Variants in EXOC4 observed in about 807,000 individuals in gnomAD.
EXOC4 encodes exocyst complex component 4.
A neutral mutation model predicts 107.2 loss-of-function variants in EXOC4; 71 were observed. The ratio of observed to expected loss-of-function variants is 0.66; its 90% confidence interval spans 0.55 to 0.81. The LOEUF is 0.81. Ranked by LOEUF, EXOC4 falls within the 30% of genes least tolerant of loss-of-function variation. The pLI, the probability that EXOC4 is intolerant of heterozygous loss-of-function variation, is 0.00. For missense variants in EXOC4, 1,108 were observed against 1,189.6 expected (o/e 0.93, Z 1.01); for synonymous variants, 456 against 441.2 (o/e 1.03, Z -0.42).
intron 4 of EXOC4, 38 bp from the exon 5 acceptor site, chr7:133,317,246 T>C (rs1190859971): frequency 1.3e-6 from 2 of 1,484,650 alleles, no homozygotes; most frequent in Non-Finnish European, 1.9e-6. Flanking sequence ...TAGTTGGTTT[T>C]GAAGAAAGTG....
At chr7:133,258,756 T>C (rs1795074490) in intron 1 of EXOC4, among the ~76,000 whole-genome samples, 1 of 152,200 alleles carries the variant, frequency 6.6e-6, no homozygotes, top group Non-Finnish European at 1.5e-5. Flanking sequence ...CAGGATGTTG[T>C]CTTTGTAACC....
At chr7:133,738,036 C>T (rs919661528) in intron 10 of EXOC4, among the ~76,000 whole-genome samples, 16 of 150,874 alleles carry the variant, frequency 1.1e-4, no homozygotes, top group African/African-American at 3.7e-4. Context: ...CTCAGCCTCC[C>T]GAGTAGCTGG....
chr7:133,961,656 T>C (rs1800948633), intron 14 of EXOC4, among the ~76,000 whole-genome samples: 1 of 152,178 alleles, frequency 6.6e-6, no homozygotes, highest in Non-Finnish European at 1.5e-5. Context: ...AGCCATAAGG[T>C]ACATGGTAAT....
the EXOC4 span, among the ~76,000 whole-genome samples, chr7:134,073,205 CAAAAAAAAAAAA>C: frequency 1.6e-3 from 36 of 22,590 alleles, no homozygotes; most frequent in African/African-American, 6.1e-3. Flanking sequence ...GACTTCCTCT[CAAAAAAAAAAAA>C]AAAAAAAAAA....
chr7:133,879,160 G>C (rs1335493529), intron 11 of EXOC4, among the ~76,000 whole-genome samples: 2 of 151,952 alleles, frequency 1.3e-5, no homozygotes, highest in East Asian at 3.9e-4. Context: ...TTGAGTATTG[G>C]TGCAATCATA....
At chr7:133,304,617 A>C (rs1584794671) in intron 3 of EXOC4, among the ~76,000 whole-genome samples, 1 of 152,200 alleles carries the variant, frequency 6.6e-6, no homozygotes, top group Admixed American at 6.5e-5. Flanking sequence ...TGGCAGCTAC[A>C]AAGGTTTCTC....
intron 10 of EXOC4, among the ~76,000 whole-genome samples, chr7:133,796,454 T>C (rs142917297): frequency 1.3e-5 from 2 of 152,244 alleles, no homozygotes; most frequent in East Asian, 1.9e-4. Flanking sequence ...TGATGTAATA[T>C]TGAGTTAACA....
At chr7:133,265,219 TC>T (rs1793698331) in intron 1 of EXOC4, among the ~76,000 whole-genome samples, 4 of 152,166 alleles carry the variant, frequency 2.6e-5, no homozygotes, top group Admixed American at 6.5e-5. Context: ...AGTGAACTCT[TC>T]AGCATTTGTT....
chr7:133,492,049 C>T (rs925106766), intron 9 of EXOC4, among the ~76,000 whole-genome samples: 2 of 152,098 alleles, frequency 1.3e-5, no homozygotes, highest in Admixed American at 6.5e-5. Context: ...TTTTGTCCTG[C>T]GGGTGATAAG....
chr7:133,336,423 C>T (rs187608561), intron 5 of EXOC4, among the ~76,000 whole-genome samples: 1 of 152,122 alleles, frequency 6.6e-6, no homozygotes, highest in Non-Finnish European at 1.5e-5. Flanking sequence ...AATTCTCCCC[C>T]CAAAGAGAAA....
At chr7:133,614,112 A>C (rs1265747857) in intron 9 of EXOC4, among the ~76,000 whole-genome samples, 3 of 152,134 alleles carry the variant, frequency 2.0e-5, no homozygotes. Context: ...TGTCGGCCTG[A>C]ACAGGTTTTT....
intron 11 of EXOC4, among the ~76,000 whole-genome samples, chr7:133,867,398 G>T (rs1415882013): frequency 6.6e-6 from 1 of 152,114 alleles, no homozygotes; most frequent in Non-Finnish European, 1.5e-5. Flanking sequence ...TACCATTATG[G>T]CATCAATCCT....
chr7:133,296,655 G>T (rs896742819), intron 3 of EXOC4, among the ~76,000 whole-genome samples: 3 of 151,996 alleles, frequency 2.0e-5, no homozygotes, highest in African/African-American at 7.2e-5. Flanking sequence ...TTAGAAACTA[G>T]ATTGTTTGAT....
intron 14 of EXOC4, among the ~76,000 whole-genome samples, chr7:133,948,974 T>A (rs1022400143): frequency 2.6e-5 from 4 of 152,186 alleles, no homozygotes; most frequent in African/African-American, 9.7e-5. Flanking sequence ...TGTTCAGCTA[T>A]CTCCCAAAGC....
intron 11 of EXOC4, among the ~76,000 whole-genome samples, chr7:133,823,814 AAAAATACATAC>A (rs1797583078): frequency 1.1e-5 from 1 of 93,170 alleles, no homozygotes; most frequent in South Asian, 3.4e-4. Context: ...AGACTGTCTC[AAAAATACATAC>A]ATATATATAT....
At chr7:133,964,047 T>C (rs1801006343) in intron 14 of EXOC4, among the ~76,000 whole-genome samples, 1 of 152,240 alleles carries the variant, frequency 6.6e-6, no homozygotes. Flanking sequence ...ATTATGTATG[T>C]ATGCCCCTGT....
chr7:133,727,042 A>G (rs1055185000), intron 10 of EXOC4, among the ~76,000 whole-genome samples: 3 of 152,210 alleles, frequency 2.0e-5, no homozygotes, highest in African/African-American at 4.8e-5. Context: ...GTTCCATTAA[A>G]TTTATTCAAA....
intron 7 of EXOC4, among the ~76,000 whole-genome samples, chr7:133,455,078 C>T (rs907837571): frequency 3.9e-5 from 6 of 151,938 alleles, no homozygotes; most frequent in African/African-American, 1.5e-4. Context: ...GAGTGAGACC[C>T]TGTCTCCAAA....
At chr7:133,917,553 C>CGT in intron 12 of EXOC4, 30 bp from the exon 13 acceptor site, 1 of 1,607,928 alleles carries the variant, frequency 6.2e-7, no homozygotes, top group Admixed American at 1.7e-5. Context: ...CATCATGCTA[C>CGT]AGTGTCTCTT....
Sources: gnomAD v4.1 joint callset for allele counts (sites outside exome capture counted in the v4.1 genomes callset) on GRCh38, gnomAD v4.1.1 for gene constraint, MANE v1.5 for transcripts, NCBI Gene and HGNC (gene_info 2026-07-23, HGNC 2026-07-21) for gene names.